Variants in DSCAM observed in about 807,000 individuals in gnomAD.
DSCAM encodes DS cell adhesion molecule.
In DSCAM, 47 loss-of-function variants were observed where a neutral mutation model predicts 217.7. The ratio of observed to expected loss-of-function variants is 0.22; its 90% CI spans 0.17 to 0.28. The LOEUF (loss-of-function observed/expected upper bound fraction) is 0.28. Among genes scored for constraint, DSCAM ranks in the 10% least tolerant of loss-of-function variants. The pLI is 1.00. For missense variants in DSCAM, 2,080 were observed against 2,618.3 expected (o/e 0.79, Z 4.49); for synonymous variants, 1,056 against 1,015.3 (o/e 1.04, Z -0.76).
chr21:40,618,535 C>A (rs1166197509), intron 3 of DSCAM: 1 of 151,998 alleles, frequency 6.6e-6, no homozygotes, highest in Non-Finnish European at 1.5e-5. Context: ...GTTTATTAGG[C>A]CTAGGATTTT....
intron 11 of DSCAM, among the ~76,000 whole-genome samples, chr21:40,255,072 T>C (rs1446539798): frequency 3.3e-5 from 5 of 152,156 alleles, no homozygotes; most frequent in African/African-American, 9.7e-5. Flanking sequence ...TATATAATTA[T>C]GGAATAAACA....
intron 3 of DSCAM, among the ~76,000 whole-genome samples, chr21:40,589,795 A>G (rs775397606): frequency 2.0e-5 from 3 of 152,198 alleles, no homozygotes; most frequent in Non-Finnish European, 4.4e-5. Flanking sequence ...CCTCACTGCT[A>G]AACTTCTGCA....
At chr21:40,022,173 A>G (rs1292735682) in intron 32 of DSCAM, among the ~76,000 whole-genome samples, 8 of 152,202 alleles carry the variant, frequency 5.3e-5, no homozygotes, top group African/African-American at 1.9e-4. Context: ...TCTGAACACT[A>G]GATCAGAGGC....
At chr21:40,364,436 C>A (rs544513748) in intron 4 of DSCAM, among the ~76,000 whole-genome samples, 2 of 150,760 alleles carry the variant, frequency 1.3e-5, no homozygotes, top group African/African-American at 4.9e-5. Flanking sequence ...GGACAAAAAA[C>A]CAAACACCGC....
intron 1 of DSCAM, among the ~76,000 whole-genome samples, chr21:40,716,870 A>G (rs1254284749): frequency 1.3e-5 from 2 of 152,208 alleles, no homozygotes; most frequent in Non-Finnish European, 2.9e-5. Context: ...TAGTTCACAT[A>G]GTGAGGTCAA....
chr21:40,106,365 T>TA (rs1568942943), intron 20 of DSCAM, among the ~76,000 whole-genome samples: 2 of 152,186 alleles, frequency 1.3e-5, no homozygotes, highest in Admixed American at 1.3e-4. Context: ...ATTGCTGGAT[T>TA]CAGTTTTTCA....
At chr21:40,045,020 C>T (rs2088821984) in intron 30 of DSCAM, among the ~76,000 whole-genome samples, 1 of 152,164 alleles carries the variant, frequency 6.6e-6, no homozygotes, top group Admixed American at 6.5e-5. Context: ...GGCCCTTAAT[C>T]CACTGTGACT....
intron 3 of DSCAM, among the ~76,000 whole-genome samples, chr21:40,489,482 A>G (rs1192850227): frequency 1.3e-5 from 2 of 152,164 alleles, no homozygotes; most frequent in Non-Finnish European, 2.9e-5. Flanking sequence ...TATCTTCTAT[A>G]TATAAATAAG....
intron 1 of DSCAM, among the ~76,000 whole-genome samples, chr21:40,719,614 C>G (rs74366713): frequency 0.045 from 6,853 of 152,290 alleles, 175 homozygotes; most frequent in Middle Eastern, 0.071. Flanking sequence ...TCACTACATA[C>G]TGATAACAAT....
intron 18 of DSCAM, among the ~76,000 whole-genome samples, chr21:40,139,505 G>A (rs967449602): frequency 2.0e-5 from 3 of 152,040 alleles, no homozygotes; most frequent in Non-Finnish European, 2.9e-5. Context: ...TTCCAAAGGA[G>A]GCCATCAAAT....
intron 3 of DSCAM, among the ~76,000 whole-genome samples, chr21:40,612,293 G>A (rs1327397637): frequency 2.0e-5 from 3 of 152,148 alleles, no homozygotes; most frequent in African/African-American, 2.4e-5. Context: ...TCTGGTGGAT[G>A]TGAGGTCCTG....
chr21:40,560,654 A>C (rs1485147841), intron 3 of DSCAM, among the ~76,000 whole-genome samples: 1 of 152,238 alleles, frequency 6.6e-6, no homozygotes, highest in Non-Finnish European at 1.5e-5. Context: ...AGCCTACTTG[A>C]AATGTGCTCA....
intron 3 of DSCAM, among the ~76,000 whole-genome samples, chr21:40,591,794 G>C (rs1164810518): frequency 2.0e-5 from 3 of 152,060 alleles, no homozygotes; most frequent in Middle Eastern, 3.2e-3. Context: ...AATACAAATG[G>C]CCCAGGCTAT....
intron 20 of DSCAM, among the ~76,000 whole-genome samples, chr21:40,111,767 C>T (rs1317753793): frequency 3.3e-5 from 5 of 152,014 alleles, no homozygotes; most frequent in Admixed American, 2.0e-4. Context: ...GTTGCAATCC[C>T]AGTCTCTGAT....
intron 3 of DSCAM, among the ~76,000 whole-genome samples, chr21:40,491,766 C>CTAAATACA (rs957287411): frequency 1.3e-5 from 2 of 152,140 alleles, no homozygotes; most frequent in African/African-American, 4.8e-5. Context: ...AGCTCTTCCT[C>CTAAATACA]TAAATACATT....
chr21:40,040,729 A>T (rs2088731530), intron 32 of DSCAM, among the ~76,000 whole-genome samples: 1 of 152,204 alleles, frequency 6.6e-6, no homozygotes, highest in African/African-American at 2.4e-5. Flanking sequence ...CATCTAACAG[A>T]AGCCCAGTAC....
intron 3 of DSCAM, among the ~76,000 whole-genome samples, chr21:40,518,557 CACACACACATATATACAT>C (rs1178293456): frequency 7.0e-5 from 5 of 71,902 alleles, no homozygotes; most frequent in African/African-American, 3.8e-4. Context: ...CACACATATA[CACACACACATATATACAT>C]ACACACACAT....
At chr21:40,073,785 G>A (rs542945348) in intron 27 of DSCAM, among the ~76,000 whole-genome samples, 17 of 152,258 alleles carry the variant, frequency 1.1e-4, no homozygotes, top group Admixed American at 9.8e-4. Flanking sequence ...TCTCATCTTT[G>A]TGTATTAAGC....
chr21:40,208,037 A>AG (rs1466116353), intron 11 of DSCAM, among the ~76,000 whole-genome samples: 1 of 152,210 alleles, frequency 6.6e-6, no homozygotes, highest in Non-Finnish European at 1.5e-5. Flanking sequence ...TGCGAATTTT[A>AG]GGGGGAGACA....
Sources: allele counts gnomAD v4.1 joint callset (sites outside exome capture counted in the v4.1 genomes callset), GRCh38; gene constraint gnomAD v4.1.1; transcripts MANE v1.5; gene names NCBI Gene and HGNC (gene_info 2026-07-23, HGNC 2026-07-21).